The following SLC24A2 variants were observed in gnomAD, a reference collection of about 807,000 sequenced individuals.
SLC24A2 encodes sodium/potassium/calcium exchanger 2.
Under a neutral mutation model 62.0 loss-of-function variants are expected in SLC24A2, and 36 were observed. That is an observed-to-expected ratio of 0.58 (90% CI 0.44 to 0.77). SLC24A2 has a LOEUF of 0.77. Ranked by LOEUF, SLC24A2 falls within the 30% of genes least tolerant of loss-of-function variation. SLC24A2 has a pLI of 0.00. For synonymous variants in SLC24A2, 358 were observed against 294.0 expected (o/e 1.22, Z -2.23); for missense variants, 846 against 817.9 (o/e 1.03, Z -0.42).
At chr9:19,696,608 A>G (rs978745243) in intron 2 of SLC24A2, among the ~76,000 whole-genome samples, 1 of 152,138 alleles carries the variant, frequency 6.6e-6, no homozygotes, top group Non-Finnish European at 1.5e-5. Flanking sequence ...ATATTATTCT[A>G]TATCTTTTGT....
the SLC24A2 span, among the ~76,000 whole-genome samples, chr9:20,277,041 T>G: frequency 1.3e-5 from 2 of 152,206 alleles, no homozygotes; most frequent in Non-Finnish European, 2.9e-5. Context: ...CCCATTGTCT[T>G]GGCGATTAAC....
chr9:20,255,722 C>T, the SLC24A2 span, among the ~76,000 whole-genome samples: 6 of 152,070 alleles, frequency 3.9e-5, no homozygotes, highest in Admixed American at 6.6e-5. Context: ...GAAAATGGCC[C>T]GACATCACTT....
chr9:19,861,158 T>C, the SLC24A2 span, among the ~76,000 whole-genome samples: 306 of 152,274 alleles, frequency 2.0e-3, 4 homozygotes, highest in African/African-American at 5.9e-3. Flanking sequence ...GCTTTATGTG[T>C]GATCCAGTAC....
intron 2 of SLC24A2, among the ~76,000 whole-genome samples, chr9:19,691,251 C>T (rs888507450): frequency 1.3e-5 from 2 of 152,158 alleles, no homozygotes; most frequent in Non-Finnish European, 2.9e-5. Flanking sequence ...GTTCAATAGA[C>T]AAAGGCCTCC....
chr9:20,307,834 G>C, the SLC24A2 span, among the ~76,000 whole-genome samples: 2 of 152,130 alleles, frequency 1.3e-5, no homozygotes, highest in Non-Finnish European at 2.9e-5. Flanking sequence ...CAGGGAAGGA[G>C]GGACCGCGGC....
At chr9:19,784,085 A>G (rs932494448) in intron 2 of SLC24A2, among the ~76,000 whole-genome samples, 17 of 152,236 alleles carry the variant, frequency 1.1e-4, no homozygotes, top group African/African-American at 4.1e-4. Context: ...AGGGATGACA[A>G]CCTGAATTTC....
At chr9:20,181,645 T>G in the SLC24A2 span, among the ~76,000 whole-genome samples, 1 of 152,228 alleles carries the variant, frequency 6.6e-6, no homozygotes, top group Admixed American at 6.5e-5. Flanking sequence ...CAAGATGGAT[T>G]AAAGACTTAA....
chr9:19,961,012 T>A, the SLC24A2 span, among the ~76,000 whole-genome samples: 3 of 137,498 alleles, frequency 2.2e-5, no homozygotes, highest in Admixed American at 1.6e-4. Context: ...AAATTCAGGA[T>A]TAGAGGGGTG....
chr9:19,738,037 C>T (rs925606213), intron 2 of SLC24A2, among the ~76,000 whole-genome samples: 2 of 152,096 alleles, frequency 1.3e-5, no homozygotes, highest in Non-Finnish European at 2.9e-5. Flanking sequence ...GAATAACTTG[C>T]TGATCTTCAA....
At chr9:19,843,012 T>C in the SLC24A2 span, among the ~76,000 whole-genome samples, 1 of 152,226 alleles carries the variant, frequency 6.6e-6, no homozygotes, top group Non-Finnish European at 1.5e-5. Context: ...GCCAGAACTG[T>C]GTCTTTGTAC....
At chr9:19,541,370 A>T (rs1397527449) in intron 8 of SLC24A2, among the ~76,000 whole-genome samples, 2 of 151,464 alleles carry the variant, frequency 1.3e-5, no homozygotes, top group East Asian at 3.9e-4. Flanking sequence ...ATGGTGATGT[A>T]CAGATGGGTT....
the SLC24A2 span, among the ~76,000 whole-genome samples, chr9:20,019,166 AC>A: frequency 6.9e-6 from 1 of 145,280 alleles, no homozygotes; most frequent in African/African-American, 2.6e-5. Context: ...AGAGAGAGAG[AC>A]AGAAAGAAAG....
At chr9:19,853,955 G>C in the SLC24A2 span, among the ~76,000 whole-genome samples, 1 of 152,128 alleles carries the variant, frequency 6.6e-6, no homozygotes, top group African/African-American at 2.4e-5. Flanking sequence ...CTTGTTGGTA[G>C]GCTATGTATT....
chr9:19,668,450 T>C (rs890943662), intron 2 of SLC24A2, among the ~76,000 whole-genome samples: 1 of 152,194 alleles, frequency 6.6e-6, no homozygotes, highest in African/African-American at 2.4e-5. Flanking sequence ...TCGCAAAACA[T>C]TTCCGTACCT....
the SLC24A2 span, among the ~76,000 whole-genome samples, chr9:20,006,617 T>TA: frequency 3.3e-5 from 5 of 151,996 alleles, no homozygotes; most frequent in Admixed American, 2.0e-4. Flanking sequence ...CCACAAAAAT[T>TA]AAAAAATAAA....
chr9:20,057,786 A>C, the SLC24A2 span, among the ~76,000 whole-genome samples: 1 of 152,142 alleles, frequency 6.6e-6, no homozygotes, highest in East Asian at 1.9e-4. Context: ...GTAACTTAAA[A>C]CTGTGTGAGG....
chr9:19,773,923 C>T (rs1822766024), intron 2 of SLC24A2, among the ~76,000 whole-genome samples: 1 of 152,156 alleles, frequency 6.6e-6, no homozygotes, highest in African/African-American at 2.4e-5. Flanking sequence ...TCTCTTAATC[C>T]TCTGCAAGAA....
chr9:20,291,778 C>G, the SLC24A2 span, among the ~76,000 whole-genome samples: 2 of 152,140 alleles, frequency 1.3e-5, no homozygotes, highest in Admixed American at 1.3e-4. Context: ...GACTTTGTAG[C>G]AGATCTAGGG....
At chr9:19,607,803 A>G (rs928760499) in intron 4 of SLC24A2, among the ~76,000 whole-genome samples, 4 of 152,142 alleles carry the variant, frequency 2.6e-5, no homozygotes, top group African/African-American at 9.7e-5. Context: ...CATTGGAGAA[A>G]GAAAGAGAGA....
Sources: gnomAD v4.1 joint callset for allele counts (sites outside exome capture counted in the v4.1 genomes callset) on GRCh38, gnomAD v4.1.1 for gene constraint, MANE v1.5 for transcripts, NCBI Gene and HGNC (gene_info 2026-07-23, HGNC 2026-07-21) for gene names.